CERS3: variants seen among roughly 807,000 people sequenced by gnomAD.
The protein encoded by CERS3 is LAG1 homolog, ceramide synthase 3.
In CERS3, 33 loss-of-function variants were observed where a neutral mutation model predicts 50.3. The observed-to-expected ratio is 0.66, with a 90% confidence interval of 0.50 to 0.88. The LOEUF is 0.88. Among genes scored for constraint, CERS3 ranks in the 40% least tolerant of loss-of-function variants. The pLI is 0.00. For synonymous variants in CERS3, 176 were observed against 155.2 expected, an observed-to-expected ratio of 1.13 and a Z score of -0.99; for missense variants, 470 against 460.3, an observed-to-expected ratio of 1.02 and a Z score of -0.19.
chr15:100,452,937 G>C (rs954068181), intron 11 of CERS3, among the ~76,000 whole-genome samples: 86 of 152,102 alleles, frequency 5.7e-4, no homozygotes, highest in African/African-American at 2.0e-3. Context: ...ACGTCCCAAG[G>C]CTGATTGAGG....
chr15:100,449,168 T>C (rs2034059145), intron 11 of CERS3, among the ~76,000 whole-genome samples: 1 of 152,188 alleles, frequency 6.6e-6, no homozygotes, highest in African/African-American at 2.4e-5. Flanking sequence ...TTCACAATGA[T>C]TGGTATCTGA....
chr15:100,410,015 G>A (rs1479423081), intron 11 of CERS3, among the ~76,000 whole-genome samples: 1 of 152,104 alleles, frequency 6.6e-6, no homozygotes, highest in Non-Finnish European at 1.5e-5. Flanking sequence ...TACAGTAGCC[G>A]CCATTACAGA....
intron 5 of CERS3, among the ~76,000 whole-genome samples, chr15:100,483,800 A>ATTTTTTT (rs1596740362): frequency 2.4e-4 from 1 of 4,192 alleles, no homozygotes; most frequent in Non-Finnish European, 9.2e-4. Context: ...TTTTTTTTTG[A>ATTTTTTT]GACAGAGTCT....
chr15:100,455,190 A>G (rs2034322242), intron 11 of CERS3, among the ~76,000 whole-genome samples: 1 of 152,202 alleles, frequency 6.6e-6, no homozygotes. Flanking sequence ...CAGATTTCTC[A>G]AAAACTAAAT....
chr15:100,537,640 A>G (rs796357009), intron 1 of CERS3, among the ~76,000 whole-genome samples: 11 of 152,316 alleles, frequency 7.2e-5, no homozygotes, highest in African/African-American at 2.6e-4. Flanking sequence ...ACATGGGGGA[A>G]ACTGCCCTCA....
chr15:100,502,267 A>AAAAAAAG (rs2036033219), intron 2 of CERS3, among the ~76,000 whole-genome samples: 36 of 109,260 alleles, frequency 3.3e-4, no homozygotes, highest in South Asian at 6.3e-4. Flanking sequence ...AAAAAAAAAA[A>AAAAAAAG]AAAGAAAGAA....
intron 10 of CERS3, among the ~76,000 whole-genome samples, chr15:100,467,764 TC>T: frequency 8.7e-6 from 1 of 115,152 alleles, no homozygotes; most frequent in Non-Finnish European, 1.8e-5. Context: ...TCTCTCTCTC[TC>T]TCTCTATATA....
At chr15:100,432,121 G>A (rs572373115) in intron 11 of CERS3, among the ~76,000 whole-genome samples, 1 of 151,442 alleles carries the variant, frequency 6.6e-6, no homozygotes, top group East Asian at 1.9e-4. Context: ...GCTAGATTGT[G>A]CAGTGGGGCA....
At position 100,417,370 on chromosome 15, in the gene CERS3, C is replaced by T. The variant is rs138140539; in HGVS notation, c.1000-14505G>A. ...CTCCCACCCTAATACTGCGCTTTTCCGACGGGCTTAAAAAATGGCGCACCA... is the reference window on the plus strand; with the variant it reads ...CTCCCACCCTAATACTGCGCTTTTCTGACGGGCTTAAAAAATGGCGCACCA... On this transcript the variant is annotated intron_variant, in intron 11 of 11. Transcript: ENST00000679737. 4.1e-4 allele frequency among the ~76,000 whole-genome samples: 62 copies of T among 151,832 alleles called. 1 individual carries two copies. Among genetic ancestry groups the T allele is most frequent in the African/African-American group, 1.2e-3 (50 of 41,118 alleles).
chr15:100,542,797 G>C (rs1043132527), intron 1 of CERS3, among the ~76,000 whole-genome samples: 1 of 148,100 alleles, frequency 6.8e-6, no homozygotes, highest in South Asian at 2.1e-4. Flanking sequence ...GTATATGTAT[G>C]AACATATACA....
intron 2 of CERS3, among the ~76,000 whole-genome samples, chr15:100,519,791 T>C (rs992941734): frequency 1.3e-5 from 2 of 152,252 alleles, no homozygotes; most frequent in African/African-American, 4.8e-5. Flanking sequence ...ACTTAGATAT[T>C]CCACAGCAAT....
At chr15:100,481,704 T>C (rs1184304346) in intron 5 of CERS3, among the ~76,000 whole-genome samples, 1 of 152,198 alleles carries the variant, frequency 6.6e-6, no homozygotes, top group Non-Finnish European at 1.5e-5. Flanking sequence ...CTAAAGGAAA[T>C]TGAAGCTAAG....
intron 9 of CERS3, among the ~76,000 whole-genome samples, chr15:100,472,064 A>G (rs180685201): frequency 4.6e-5 from 7 of 152,366 alleles, no homozygotes; most frequent in African/African-American, 1.7e-4. Flanking sequence ...ACCCCAACCT[A>G]GAAGAATAAG....
intron 11 of CERS3, among the ~76,000 whole-genome samples, chr15:100,406,002 CAGTTACTCATTATGAGTTAT>C (rs2030996174): frequency 6.6e-6 from 1 of 152,180 alleles, no homozygotes; most frequent in Admixed American, 6.5e-5. Flanking sequence ...CTTTCAAGGA[CAGTTACTCATTATGAGTTAT>C]ATGTTTCCTC....
intron 7 of CERS3, 118 bp from the exon 8 acceptor site, chr15:100,476,296 T>G: frequency 3.9e-6 from 2 of 513,274 alleles, no homozygotes; most frequent in South Asian, 2.7e-5. Context: ...AAAATAACAT[T>G]GACTGATATT....
chr15:100,504,143 A>T (rs2036096052), intron 2 of CERS3, among the ~76,000 whole-genome samples: 1 of 151,606 alleles, frequency 6.6e-6, no homozygotes, highest in South Asian at 2.1e-4. Flanking sequence ...ACCTCATCTC[A>T]CTTCTTACCC....
intron 4 of CERS3, 126 bp from the exon 5 acceptor site, chr15:100,484,794 C>A: frequency 1.4e-6 from 1 of 698,170 alleles, no homozygotes; most frequent in Non-Finnish European, 2.5e-6. Flanking sequence ...GTCATGAGAC[C>A]TGGAGCCAGG....
intron 11 of CERS3, among the ~76,000 whole-genome samples, chr15:100,429,407 T>C (rs1190779883): frequency 6.6e-6 from 1 of 152,142 alleles, no homozygotes; most frequent in African/African-American, 2.4e-5. Flanking sequence ...ACCTACAGGT[T>C]TGAAAGGGAC....
intron 11 of CERS3, among the ~76,000 whole-genome samples, chr15:100,430,342 A>G (rs745942835): frequency 6.6e-6 from 1 of 152,196 alleles, no homozygotes; most frequent in Non-Finnish European, 1.5e-5. Flanking sequence ...AAAGAAAACA[A>G]AAACAAAAAC....
Sources: gnomAD v4.1 joint callset for allele counts (sites outside exome capture counted in the v4.1 genomes callset) on GRCh38, gnomAD v4.1.1 for gene constraint, MANE v1.5 for transcripts, NCBI Gene and HGNC (gene_info 2026-07-23, HGNC 2026-07-21) for gene names.